CWF19L2: variants seen among roughly 807,000 people sequenced by gnomAD.
The protein encoded by CWF19L2 is CWF19-like protein 2.
In CWF19L2, 98 loss-of-function variants were observed where a neutral mutation model predicts 111.7. That is an observed-to-expected ratio of 0.88 (90% CI 0.75 to 1.04). The LOEUF is 1.04. Among genes scored for constraint, CWF19L2 ranks in the 50% least tolerant of loss-of-function variants. CWF19L2 has a pLI of 0.00. For missense variants in CWF19L2, 1,101 were observed against 1,051.4 expected (o/e 1.05, Z -0.65); for synonymous variants, 351 against 342.9 (o/e 1.02, Z -0.26).
intron 13 of CWF19L2, among the ~76,000 whole-genome samples, chr11:107,351,121 A>T (rs1361816237): frequency 6.6e-6 from 1 of 152,248 alleles, no homozygotes; most frequent in Non-Finnish European, 1.5e-5. Flanking sequence ...GAAAGGGCAA[A>T]GGAAAGAGGC....
Position 107,372,405 on chromosome 11 carries a change from G to C in CWF19L2, c.1872+17669C>G, listed in dbSNP as rs765798225. Among the ~76,000 whole-genome samples the C allele has an allele frequency of 3.2e-4, 43 of 136,000 alleles. 8 individuals are homozygous for C. Among genetic ancestry groups the C allele is most frequent in the African/African-American group, 1.1e-3 (39 of 33,924 alleles). The allele number at this position is 136,000 out of a possible 152,430, so 89.2% of individuals were successfully genotyped here. On this transcript the variant is annotated intron_variant, in intron 12 of 17. Coordinates refer to ENST00000282251, the MANE Select transcript of CWF19L2 (RefSeq NM_152434.3). ...AAAGTGGAAACAGCAAATGCAGTCT[G>C]TGGCAGCAGAAAGCACATTAATTTG...
At chr11:107,433,590 C>G in intron 7 of CWF19L2, 44 bp downstream of exon 7, 1 of 878,846 alleles carries the variant, frequency 1.1e-6, no homozygotes, top group East Asian at 3.2e-5. Flanking sequence ...AATTTTTCAC[C>G]TAATTCTGAA....
chr11:107,334,460 T>C (rs759133733), intron 16 of CWF19L2, among the ~76,000 whole-genome samples: 137 of 152,200 alleles, frequency 9.0e-4, no homozygotes, highest in Admixed American at 3.1e-3. Flanking sequence ...AACCTTTGTA[T>C]AAGAAAAAGA....
At chr11:107,423,446 T>C (rs1861329609) in intron 8 of CWF19L2, among the ~76,000 whole-genome samples, 1 of 151,976 alleles carries the variant, frequency 6.6e-6, no homozygotes, top group African/African-American at 2.4e-5. Flanking sequence ...TATTCCCCTA[T>C]GAAGTCGCTT....
intron 14 of CWF19L2, among the ~76,000 whole-genome samples, chr11:107,340,319 G>T (rs12285491): frequency 0.27 from 40,464 of 151,976 alleles, 5,626 homozygotes; most frequent in Non-Finnish European, 0.31. Flanking sequence ...AGGGCTGTGT[G>T]CCGTTTTGAG....
At chr11:107,398,388 T>C (rs550343403) in intron 10 of CWF19L2, among the ~76,000 whole-genome samples, 10 of 152,238 alleles carry the variant, frequency 6.6e-5, no homozygotes, top group African/African-American at 2.4e-4. Context: ...TGCAAAATGC[T>C]GTGGAAAGTC....
chr11:107,398,896 AAC>A (rs1257357174), intron 10 of CWF19L2, among the ~76,000 whole-genome samples: 23 of 152,298 alleles, frequency 1.5e-4, no homozygotes, highest in African/African-American at 5.3e-4. Context: ...CCTCAAACAA[AAC>A]ATTTATCAGC....
intron 12 of CWF19L2, among the ~76,000 whole-genome samples, chr11:107,368,230 A>G (rs1860461346): frequency 7.3e-6 from 1 of 137,124 alleles, no homozygotes; most frequent in Admixed American, 7.2e-5. Context: ...ATCCAAATAA[A>G]CAAAATCAGA....
intron 9 of CWF19L2, among the ~76,000 whole-genome samples, chr11:107,417,338 C>T (rs751214698): frequency 7.9e-5 from 12 of 152,262 alleles, no homozygotes; most frequent in Middle Eastern, 3.4e-3. Context: ...TGGATAAATG[C>T]AGCTCTTACC....
chr11:107,389,590 T>G (rs1166504489), intron 12 of CWF19L2, among the ~76,000 whole-genome samples: 1 of 152,198 alleles, frequency 6.6e-6, no homozygotes, highest in East Asian at 1.9e-4. Context: ...CTACCCATAA[T>G]GACGTGTTAA....
chr11:107,386,506 C>T (rs1860768826), intron 12 of CWF19L2, among the ~76,000 whole-genome samples: 1 of 152,066 alleles, frequency 6.6e-6, no homozygotes, highest in Non-Finnish European at 1.5e-5. Flanking sequence ...TTAAAGTCAC[C>T]AGAAACCTCT....
intron 10 of CWF19L2, among the ~76,000 whole-genome samples, chr11:107,395,174 G>A (rs954837847): frequency 7.2e-5 from 11 of 152,254 alleles, no homozygotes; most frequent in Middle Eastern, 3.4e-3. Context: ...TGCTGTTCTC[G>A]TGATAGTGAA....
At chr11:107,394,522 CTT>C (rs1248156660) in intron 10 of CWF19L2, among the ~76,000 whole-genome samples, 2 of 152,176 alleles carry the variant, frequency 1.3e-5, no homozygotes, top group Non-Finnish European at 2.9e-5. Context: ...TGAAATTCTT[CTT>C]ATTTCAGTTT....
At chr11:107,436,119 A>C (rs909679331) in intron 6 of CWF19L2, among the ~76,000 whole-genome samples, 33 of 148,852 alleles carry the variant, frequency 2.2e-4, no homozygotes, top group Non-Finnish European at 3.3e-4. Flanking sequence ...GCACCACTGC[A>C]CTCCAGCCTT....
chr11:107,332,712 A>C (rs1317146545), intron 16 of CWF19L2, among the ~76,000 whole-genome samples: 2 of 152,180 alleles, frequency 1.3e-5, no homozygotes, highest in Non-Finnish European at 1.5e-5. Flanking sequence ...TACTTTTATT[A>C]ATTTTTGAAA....
chr11:107,378,631 G>A (rs964676303), intron 12 of CWF19L2, among the ~76,000 whole-genome samples: 2 of 152,008 alleles, frequency 1.3e-5, no homozygotes, highest in Non-Finnish European at 2.9e-5. Context: ...GTGGAGGGAG[G>A]AGGGAGGGAT....
intron 12 of CWF19L2, among the ~76,000 whole-genome samples, chr11:107,357,900 A>T (rs1363824695): frequency 1.3e-5 from 2 of 152,228 alleles, no homozygotes; most frequent in African/African-American, 2.4e-5. Context: ...AAGTGAACAA[A>T]ACTGCTGGAT....
chr11:107,455,137 A>G (rs2135432978), intron 2 of CWF19L2, among the ~76,000 whole-genome samples: 1 of 152,236 alleles, frequency 6.6e-6, no homozygotes, highest in East Asian at 1.9e-4. Flanking sequence ...GGTATTATCT[A>G]TTTCAAAGCC....
rs573763311 is a variant in CWF19L2 at position 107,411,821 on chromosome 11, C to T, written c.1617+4388G>A. Among the ~76,000 whole-genome samples the T allele has an allele frequency of 2.5e-3, 386 of 152,070 alleles. 11 individuals are homozygous for T. Among genetic ancestry groups the T allele is most frequent in the Non-Finnish European group, 2.7e-3 (186 of 67,998 alleles). On this transcript the variant is annotated intron_variant, in intron 10 of 17. Transcript: ENST00000282251. The stretch of plus-strand genomic sequence containing the variant: ...ATAATCAAAGTAAAATAGAAGAGTA[C>T]TTATGATTCTTATTTTATTTTCTTC...
Sources: gnomAD v4.1 joint callset for allele counts (sites outside exome capture counted in the v4.1 genomes callset) on GRCh38, gnomAD v4.1.1 for gene constraint, MANE v1.5 for transcripts, NCBI Gene and HGNC (gene_info 2026-07-23, HGNC 2026-07-21) for gene names.